Variants in KIRREL3 observed in about 807,000 individuals in gnomAD.
KIRREL3 encodes the protein kin of IRRE-like protein 3.
In KIRREL3, 36 loss-of-function variants were observed where a neutral mutation model predicts 89.7. The ratio of observed to expected loss-of-function variants is 0.40; its 90% CI spans 0.31 to 0.53. The LOEUF (loss-of-function observed/expected upper bound fraction) is 0.53, where lower values mean the gene tolerates loss of function less well. KIRREL3 is among the 20% of genes least tolerant of loss of function. The pLI is 0.49. For synonymous variants in KIRREL3, 445 were observed against 441.4 expected (o/e 1.01, Z -0.10); for missense variants, 864 against 1,056.6 (o/e 0.82, Z 2.53).
At chr11:126,735,261 A>G (rs1190167405) in intron 1 of KIRREL3, among the ~76,000 whole-genome samples, 9 of 152,246 alleles carry the variant, frequency 5.9e-5, no homozygotes, top group African/African-American at 2.2e-4. Flanking sequence ...TAGTAACATT[A>G]GCTGGGTCTG....
chr11:126,614,919 G>T lies in KIRREL3; in HGVS notation c.56-52007C>A, dbSNP rs562502707. 6.6e-6 allele frequency among the ~76,000 whole-genome samples: 1 copy of T among 152,262 alleles called. No homozygotes were observed. The highest frequency in any genetic ancestry group is 1.5e-5 in the Non-Finnish European group (1 of 68,010). ...AAAATAGCTTTGTTCCTTGGAGAAA[G>T]TCATGTAGAGAGATAAGGTAGGCTT... On this transcript the variant is annotated intron_variant, in intron 1 of 16. Transcript: ENST00000525144. This position sits in a 1 kb window ranked among gnomAD's most constrained non-coding sequence, Gnocchi z 4.6.
intron 1 of KIRREL3, among the ~76,000 whole-genome samples, chr11:126,632,137 TC>T (rs1318382624): frequency 6.6e-6 from 1 of 152,228 alleles, no homozygotes; most frequent in Non-Finnish European, 1.5e-5. Flanking sequence ...AATCTGAATT[TC>T]CAATAAGTTC....
chr11:126,476,756 C>T lies in KIRREL3; in HGVS notation c.434-3290G>A, dbSNP rs186810571. ...AGTCGCTCTTGGCAGCTGTGTCTGG[C>T]GTGGAAGGGGGCTCCTCATTACCTC... On this transcript the variant is annotated intron_variant, in intron 4 of 16. Transcript: ENST00000525144. The surrounding 1 kb of genome is among the most constrained non-coding windows in gnomAD (Gnocchi z 6.4). Among the ~76,000 whole-genome samples the T allele has an allele frequency of 1.3e-5, 2 of 151,922 alleles. No individual in the cohort carries two copies. Among genetic ancestry groups the T allele is most frequent in the Non-Finnish European group, 2.9e-5 (2 of 67,972 alleles).
chr11:126,448,909 C>T, intron 8 of KIRREL3, 100 bp downstream of exon 8: 1 of 1,270,220 alleles, frequency 7.9e-7, no homozygotes, highest in African/African-American at 1.5e-5. Flanking sequence ...ACGCATGAAG[C>T]TTGTGTTGTG....
At chr11:126,942,432 G>C (rs1948482118) in intron 1 of KIRREL3, among the ~76,000 whole-genome samples, 1 of 152,050 alleles carries the variant, frequency 6.6e-6, no homozygotes, top group African/African-American at 2.4e-5. Flanking sequence ...GTAACAAAGT[G>C]ACCTCAGAAA....
intron 1 of KIRREL3, among the ~76,000 whole-genome samples, chr11:126,749,933 G>A (rs1949281574): frequency 6.6e-6 from 1 of 152,104 alleles, no homozygotes; most frequent in Non-Finnish European, 1.5e-5. Context: ...AGAAACCAGT[G>A]CGCGTTTTGA....
At chr11:126,871,392 T>C (rs1945103819) in intron 1 of KIRREL3, among the ~76,000 whole-genome samples, 1 of 152,226 alleles carries the variant, frequency 6.6e-6, no homozygotes. Flanking sequence ...GCTGTGTGAC[T>C]TTGGGTAAGT....
At chr11:126,502,652 T>C (rs957319496) in intron 4 of KIRREL3, among the ~76,000 whole-genome samples, 3 of 152,238 alleles carry the variant, frequency 2.0e-5, no homozygotes, top group Non-Finnish European at 2.9e-5. Flanking sequence ...AGGTAAATTG[T>C]GGACTTAAAA....
chr11:126,925,535 GA>G (rs1316249973), intron 1 of KIRREL3, among the ~76,000 whole-genome samples: 1 of 152,210 alleles, frequency 6.6e-6, no homozygotes, highest in Non-Finnish European at 1.5e-5. Context: ...CTGAGCAGGA[GA>G]GCAGATGTCA....
chr11:126,573,503 G>A lies in KIRREL3; in HGVS notation c.56-10591C>T, dbSNP rs535589023. Among the ~76,000 whole-genome samples, 113 of 150,586 alleles carry A rather than the reference G, an allele frequency of 7.5e-4. 1 individual carries two copies. Among genetic ancestry groups the A allele is most frequent in the African/African-American group, 2.5e-3 (101 of 41,038 alleles). On this transcript the variant is annotated intron_variant, in intron 1 of 16. Coordinates refer to ENST00000525144, the MANE Select transcript of KIRREL3 (RefSeq NM_032531.4). ...CACACAGCAAGGAGGGAAAGTAGGC[G>A]GTGGGGTTAGGAGAGGACCCAGCGG...
intron 1 of KIRREL3, among the ~76,000 whole-genome samples, chr11:126,919,876 A>C (rs1213411498): frequency 6.6e-6 from 1 of 152,214 alleles, no homozygotes; most frequent in African/African-American, 2.4e-5. Flanking sequence ...GTGTAACTGC[A>C]CTACTACAGT....
Position 126,456,309 on chromosome 11 carries a change from GC to G in KIRREL3, c.848+39del, listed in dbSNP as rs1956343172. On this transcript the variant is annotated intron_variant, in intron 7 of 16. Transcript: ENST00000525144. ...CCACGTGAGAGGCACGGGGGTGGGG[GC>G]CAGTGGCCAGGCCGGGCCCCCTCAG... 3 of 1,384,792 alleles carry G rather than the reference GC, an allele frequency of 2.2e-6. No homozygotes were observed. In the South Asian group the frequency reaches 3.7e-5, roughly 17 times the overall value. 85.8% of individuals were successfully genotyped at this position (1,384,792 alleles called of 1,614,324 possible).
chr11:126,424,688 G>A lies in KIRREL3; in HGVS notation c.2229C>T (p.Phe743=), dbSNP rs1024122650. Residue 743 remains phenylalanine, a synonymous_variant, in exon 17 of 17, where the codon TTC becomes TTT. Coordinates refer to ENST00000525144, the MANE Select transcript of KIRREL3 (RefSeq NM_032531.4). ...AAGCAGAAGCCTTGCTGGCCTTGTCGAACTGCACATAGCCATCCTGCTTGC... is the reference window on the plus strand; with the variant it reads ...AAGCAGAAGCCTTGCTGGCCTTGTCAAACTGCACATAGCCATCCTGCTTGC... ...SSGKQDGYVQ[F]DKASKASASS... 34 of 1,613,928 alleles carry A rather than the reference G, an allele frequency of 2.1e-5. No individual in the cohort carries two copies. The highest frequency in any genetic ancestry group is 1.6e-4 in the Middle Eastern group (1 of 6,084).
Position 126,544,925 on chromosome 11 carries a change from T to TAATGA in KIRREL3, c.133+17905_133+17909dup, listed in dbSNP as rs1235207987. ...GCCACAGAGAGGGGAGAAGACACAA[T>TAATGA]AATGAAAAACTCAACGTGCAACATT... On this transcript the variant is annotated intron_variant, in intron 2 of 16. Coordinates refer to ENST00000525144, the MANE Select transcript of KIRREL3 (RefSeq NM_032531.4). This position sits in a 1 kb window ranked among gnomAD's most constrained non-coding sequence, Gnocchi z 5.6. Among the ~76,000 whole-genome samples the TAATGA allele has an allele frequency of 1.3e-5, 2 of 152,194 alleles. No individual in the cohort carries two copies. The highest frequency in any genetic ancestry group is 3.9e-4 in the East Asian group (2 of 5,164).
At chr11:126,548,799 G>A (rs1009342917) in intron 2 of KIRREL3, among the ~76,000 whole-genome samples, 19 of 152,192 alleles carry the variant, frequency 1.2e-4, no homozygotes, top group South Asian at 4.1e-4. Context: ...ACAGCGCAGG[G>A]GTGACTGTCA....
intron 1 of KIRREL3, among the ~76,000 whole-genome samples, chr11:126,699,833 T>C (rs946106858): frequency 1.3e-5 from 2 of 152,230 alleles, no homozygotes; most frequent in African/African-American, 2.4e-5. Flanking sequence ...CTAAACACTT[T>C]CACATACATT....
chr11:126,618,892 A>C (rs1457055631), intron 1 of KIRREL3, among the ~76,000 whole-genome samples: 1 of 152,200 alleles, frequency 6.6e-6, no homozygotes, highest in Non-Finnish European at 1.5e-5. Flanking sequence ...TGTCAGGTCC[A>C]CTGTTTGATC....
Position 126,876,497 on chromosome 11 carries a change from C to G in KIRREL3, c.55+123958G>C, listed in dbSNP as rs909878282. Among the ~76,000 whole-genome samples the G allele has an allele frequency of 2.6e-5, 4 of 151,974 alleles. No homozygotes were observed. The highest frequency in any genetic ancestry group is 9.7e-5 in the African/African-American group (4 of 41,356). ...CTGCTCACTGTTGCACCTGATACAC[C>G]TATCCTAGTGCTTGGCTTACAGTAC... On this transcript the variant is annotated intron_variant, in intron 1 of 16. Coordinates refer to ENST00000525144, the MANE Select transcript of KIRREL3 (RefSeq NM_032531.4). The surrounding 1 kb of genome is among the most constrained non-coding windows in gnomAD (Gnocchi z 4.1).
In KIRREL3 at chr11:126,669,824, A is replaced by G. The variant is rs1945854346; in HGVS notation, c.56-106912T>C. Among the ~76,000 whole-genome samples the G allele has an allele frequency of 6.6e-6, 1 of 152,186 alleles. No homozygotes were observed. Among genetic ancestry groups the G allele is most frequent in the East Asian group, 1.9e-4 (1 of 5,202 alleles). On this transcript the variant is annotated intron_variant, in intron 1 of 16. Coordinates refer to ENST00000525144, the MANE Select transcript of KIRREL3 (RefSeq NM_032531.4). The surrounding 1 kb of genome is among the most constrained non-coding windows in gnomAD (Gnocchi z 5.0). ...CTTGGGCTAAAGATTTGTAGAGTCA[A>G]CTGTCTTCCTAAATCTTTTTTTGGA...
Sources: gnomAD v4.1 joint callset for allele counts (sites outside exome capture counted in the v4.1 genomes callset) on GRCh38, gnomAD v4.1.1 for gene constraint, Gnocchi (gnomAD v3.1) non-coding constraint, MANE v1.5 for transcripts, NCBI Gene and HGNC (gene_info 2026-07-23, HGNC 2026-07-21) for gene names.